Variants in PLEKHA2 observed in about 807,000 individuals in gnomAD.
PLEKHA2 encodes pleckstrin homology domain containing A2, also known as pleckstrin homology domain-containing family A member 2.
A neutral mutation model predicts 53.2 loss-of-function variants in PLEKHA2; 28 were observed. That is an observed-to-expected ratio of 0.53 (90% confidence interval 0.39 to 0.72). The LOEUF (loss-of-function observed/expected upper bound fraction) is 0.72, where lower values mean the gene tolerates loss of function less well. PLEKHA2 is among the 30% of genes least tolerant of loss of function. PLEKHA2 has a pLI of 0.00. For missense variants in PLEKHA2, 426 were observed against 537.9 expected (o/e 0.79, Z 2.06); for synonymous variants, 193 against 196.4 (o/e 0.98, Z 0.14).
chr8:38,957,340 A>T lies in PLEKHA2; in HGVS notation c.791A>T (p.Asp264Val). 6.2e-7 allele frequency: 1 copy of T among 1,613,090 alleles called. No homozygotes were observed. The highest frequency in any genetic ancestry group is 1.6e-4 in the Middle Eastern group (1 of 6,062). Reference sequence around the variant, plus strand: ...CTGTCTAGTGATCTCTTAATGAGGGACAACCTGTTTGAAATAATAACAAGC... The same window carrying T: ...CTGTCTAGTGATCTCTTAATGAGGGTCAACCTGTTTGAAATAATAACAAGC... The part of the protein sequence containing the change: ...LVKSGDLLMR[D>V]NLFEIITSSR... Residue 264 changes from aspartate to valine, a missense_variant, in exon 10 of 12, where the codon GAC (aspartate) becomes GTC (valine). Asp to Val is a radical substitution (Grantham distance 152). Coordinates refer to ENST00000617275, the MANE Select transcript of PLEKHA2 (RefSeq NM_021623.2).
intron 10 of PLEKHA2, among the ~76,000 whole-genome samples, chr8:38,962,840 C>G (rs1304612720): frequency 1.3e-5 from 2 of 152,192 alleles, no homozygotes; most frequent in Non-Finnish European, 2.9e-5. Context: ...TGCATTAGAG[C>G]TCTTCGGATA....
intron 10 of PLEKHA2, among the ~76,000 whole-genome samples, chr8:38,965,855 G>T (rs1285386646): frequency 6.6e-6 from 1 of 152,052 alleles, no homozygotes; most frequent in Non-Finnish European, 1.5e-5. Flanking sequence ...TGTGCGTTCG[G>T]CCCTGTTTCA....
intron 3 of PLEKHA2, among the ~76,000 whole-genome samples, chr8:38,942,240 A>G (rs1379385490): frequency 6.6e-6 from 1 of 152,098 alleles, no homozygotes; most frequent in African/African-American, 2.4e-5. Context: ...CATCTCTAAA[A>G]AAAAAATGGA....
At position 38,916,558 on chromosome 8, in the gene PLEKHA2, A is replaced by G. The variant is rs1480933442; in HGVS notation, c.-23-1349A>G. ...GCTCTCTTATTTCACACTTAACATA[A>G]TGATCCCCAGTTCCATCCATGTTGT... On this transcript the variant is annotated intron_variant, in intron 1 of 11. Coordinates refer to ENST00000617275, the MANE Select transcript of PLEKHA2 (RefSeq NM_021623.2). Among the ~76,000 whole-genome samples the G allele has an allele frequency of 1.3e-5, 2 of 152,170 alleles. 1 individual carries two copies. Among genetic ancestry groups the G allele is most frequent in the African/African-American group, 4.8e-5 (2 of 41,444 alleles).
Position 38,950,913 on chromosome 8 carries a change from G to C in PLEKHA2, c.409G>C (p.Ala137Pro), listed in dbSNP as rs765720146. 2 of 1,614,000 alleles carry C rather than the reference G, an allele frequency of 1.2e-6. No homozygotes were observed. The change falls in exon 6 of 12, where the codon GCC becomes CCC. Residue 137 changes from alanine (A) to proline (P), a missense_variant. By Grantham distance (27) the Ala-to-Pro change is conservative. Transcript: ENST00000617275. The part of the protein sequence containing the change: ...EVLKSLAAPP[A>P]LEKKPQVAYK... ...TCTCAAGAGCTTAGCAGCTCCTCCA[G>C]CCCTGGAGAAGAAGCCACAGGTGGC...
intron 10 of PLEKHA2, among the ~76,000 whole-genome samples, chr8:38,963,266 A>G (rs1835071987): frequency 6.6e-6 from 1 of 152,214 alleles, no homozygotes; most frequent in South Asian, 2.1e-4. Context: ...AGCACCAGAA[A>G]CAGGTGCACA....
chr8:38,943,446 A>G lies in PLEKHA2; in HGVS notation c.199-343A>G, dbSNP rs536946065. Among the ~76,000 whole-genome samples the G allele has an allele frequency of 2.2e-3, 332 of 152,244 alleles. 2 individuals carry two copies. Among genetic ancestry groups the G allele is most frequent in the African/African-American group, 7.7e-3 (322 of 41,552 alleles). On this transcript the variant is annotated intron_variant, in intron 3 of 11. Coordinates refer to ENST00000617275, the MANE Select transcript of PLEKHA2 (RefSeq NM_021623.2). ...GGCTGCAGTGAGCTATGATTGCACC[A>G]CTGTACTCCAGCCTGGGTGACAGAG...
At chr8:38,967,664 C>A (rs963017936) in intron 10 of PLEKHA2, among the ~76,000 whole-genome samples, 1 of 142,004 alleles carries the variant, frequency 7.0e-6, no homozygotes, top group Non-Finnish European at 1.5e-5. Context: ...CCTTTGCTCA[C>A]TTTTTTTTTT....
At chr8:38,961,527 ACT>A (rs761384556) in intron 10 of PLEKHA2, among the ~76,000 whole-genome samples, 40 of 152,040 alleles carry the variant, frequency 2.6e-4, no homozygotes, top group African/African-American at 9.7e-4. Flanking sequence ...ACAGAGTGAG[ACT>A]CTGTCTCAAA....
intron 5 of PLEKHA2, among the ~76,000 whole-genome samples, chr8:38,949,351 C>A (rs979322671): frequency 5.3e-5 from 8 of 152,122 alleles, no homozygotes; most frequent in African/African-American, 1.9e-4. Flanking sequence ...TGACATTTGA[C>A]CCCTGGCCTC....
intron 1 of PLEKHA2, 84 bp downstream of exon 1, chr8:38,901,529 C>A (rs1266055395): frequency 6.6e-6 from 1 of 151,370 alleles, no homozygotes; most frequent in Middle Eastern, 3.2e-3. Flanking sequence ...GTGCAGGGGG[C>A]GCCCCGGCGG....
chr8:38,967,887 C>T (rs1835170340), intron 10 of PLEKHA2, among the ~76,000 whole-genome samples: 1 of 152,064 alleles, frequency 6.6e-6, no homozygotes, highest in Non-Finnish European at 1.5e-5. Flanking sequence ...GTCGTGAACT[C>T]CTGAGCTCAG....
chr8:38,913,440 G>A (rs1833985181), intron 1 of PLEKHA2, among the ~76,000 whole-genome samples: 1 of 151,914 alleles, frequency 6.6e-6, no homozygotes, highest in African/African-American at 2.4e-5. Context: ...GAAAGCCAAT[G>A]TTCAGCTGGA....
chr8:38,960,353 C>T (rs1835019320), intron 10 of PLEKHA2, among the ~76,000 whole-genome samples: 1 of 152,132 alleles, frequency 6.6e-6, no homozygotes, highest in Non-Finnish European at 1.5e-5. Context: ...ATGGGATGCA[C>T]CTGTCGTCCC....
At chr8:38,951,870 T>A (rs1427455733) in intron 6 of PLEKHA2, among the ~76,000 whole-genome samples, 1 of 152,176 alleles carries the variant, frequency 6.6e-6, no homozygotes, top group Non-Finnish European at 1.5e-5. Context: ...TTCTTTTTTT[T>A]AATTTTTAAA....
intron 3 of PLEKHA2, among the ~76,000 whole-genome samples, chr8:38,943,407 G>A (rs1369036098): frequency 6.6e-6 from 1 of 152,126 alleles, no homozygotes; most frequent in East Asian, 1.9e-4. Flanking sequence ...GATCACTTGA[G>A]CCCAGGAGTT....
In PLEKHA2 at chr8:38,922,915, C is replaced by G. The variant is rs1204530313; in HGVS notation, c.141+4845C>G. On this transcript the variant is annotated intron_variant, in intron 2 of 11. Transcript: ENST00000617275. The surrounding 1 kb of genome is among the most constrained non-coding windows in gnomAD (Gnocchi z 4.0). ...AGGTCCATCGACTCAAGTGTGCAAC[C>G]TCCTCTTTGTCTGCCTCCCTCCTCC... 1.3e-5 allele frequency among the ~76,000 whole-genome samples: 2 copies of G among 152,174 alleles called. No homozygotes were observed. Among genetic ancestry groups the G allele is most frequent in the Middle Eastern group, 3.2e-3 (1 of 316 alleles).
In PLEKHA2 at chr8:38,963,679, C is replaced by CA. The variant is rs568966524; in HGVS notation, c.838-4905dup. Among the ~76,000 whole-genome samples, 13 of 151,408 alleles carry CA rather than the reference C, an allele frequency of 8.6e-5. 1 individual carries two copies. The South Asian group carries it at 2.5e-3, about 29-fold the overall frequency. ...GCTTGAGGCCAGGAATACCCTGCTC[C>CA]AAAAAAAATTTAAAAATAAAACATT... On this transcript the variant is annotated intron_variant, in intron 10 of 11. Coordinates refer to ENST00000617275, the MANE Select transcript of PLEKHA2 (RefSeq NM_021623.2).
chr8:38,902,707 A>G lies in PLEKHA2; in HGVS notation c.-24+1262A>G, dbSNP rs543140988. ...CAGCAAAGCAAAAGATCTTGAAAGAATAGAAGTTTTTGCTTTCTATTTCAG... is the reference window on the plus strand; with the variant it reads ...CAGCAAAGCAAAAGATCTTGAAAGAGTAGAAGTTTTTGCTTTCTATTTCAG... On this transcript the variant is annotated intron_variant, in intron 1 of 11. Transcript: ENST00000617275. Among the ~76,000 whole-genome samples the G allele has an allele frequency of 9.2e-5, 14 of 152,360 alleles. No homozygotes were observed. In the South Asian group the frequency reaches 2.5e-3, roughly 27 times the overall value.
Sources: allele counts gnomAD v4.1 joint callset (sites outside exome capture counted in the v4.1 genomes callset), GRCh38; gene constraint gnomAD v4.1.1; non-coding constraint Gnocchi (gnomAD v3.1); transcripts MANE v1.5; gene names NCBI Gene and HGNC (gene_info 2026-07-23, HGNC 2026-07-21).